Variants in SPAM1 observed in about 807,000 individuals in gnomAD.
SPAM1 encodes the protein hyaluronidase PH-20.
Under a neutral mutation model 29.6 loss-of-function variants are expected in SPAM1, and 22 were observed. That is an observed-to-expected ratio of 0.74 (90% CI 0.53 to 1.06). The LOEUF (loss-of-function observed/expected upper bound fraction) is 1.06, where lower values mean the gene tolerates loss of function less well. Ranked by LOEUF, SPAM1 falls within the 50% of genes least tolerant of loss-of-function variation. The probability of loss-of-function intolerance (pLI) is 0.00; values close to 1 mark genes in which losing one functional copy is unlikely to be tolerated. For synonymous variants in SPAM1, 194 were observed against 204.6 expected (o/e 0.95, Z 0.44); for missense variants, 534 against 604.0 (o/e 0.88, Z 1.21).
chr7:123,931,413 C>G (rs887321618), intron 1 of SPAM1, among the ~76,000 whole-genome samples: 3 of 152,148 alleles, frequency 2.0e-5, no homozygotes, highest in African/African-American at 7.2e-5. Flanking sequence ...GACCCCCATT[C>G]CAGAGAGGTT....
At chr7:123,965,731 AGG>A (rs1358682457) in intron 5 of SPAM1, among the ~76,000 whole-genome samples, 1 of 152,052 alleles carries the variant, frequency 6.6e-6, no homozygotes, top group African/African-American at 2.4e-5. Flanking sequence ...GAAATCAGAT[AGG>A]GTATTGCCTC....
chr7:123,957,650 C>A (rs978561613), intron 4 of SPAM1, among the ~76,000 whole-genome samples: 2 of 151,916 alleles, frequency 1.3e-5, no homozygotes, highest in Non-Finnish European at 2.9e-5. Context: ...CAGAAGAAGT[C>A]CAATATGGGT....
intron 5 of SPAM1, among the ~76,000 whole-genome samples, chr7:123,965,101 G>A (rs778643033): frequency 8.6e-5 from 13 of 151,908 alleles, no homozygotes; most frequent in Non-Finnish European, 1.5e-4. Flanking sequence ...CCTTAGATAA[G>A]TGACTTGCCC....
intron 1 of SPAM1, among the ~76,000 whole-genome samples, chr7:123,929,993 T>C (rs181195288): frequency 2.1e-4 from 32 of 149,058 alleles, no homozygotes; most frequent in Admixed American, 1.8e-3. Context: ...GAAACGTAAG[T>C]CAGGGTCTGG....
At chr7:123,954,906 G>A in intron 3 of SPAM1, 91 bp from the exon 4 acceptor site, 1 of 775,788 alleles carries the variant, frequency 1.3e-6, no homozygotes, top group South Asian at 1.5e-5. Flanking sequence ...TATTATTATT[G>A]GGTCAGCATG....
intron 4 of SPAM1, among the ~76,000 whole-genome samples, chr7:123,957,887 C>G (rs1792281004): frequency 6.6e-6 from 1 of 151,972 alleles, no homozygotes; most frequent in Non-Finnish European, 1.5e-5. Flanking sequence ...GGTTGAATCT[C>G]TCTTACACTT....
At chr7:123,943,854 C>A (rs1237618311) in intron 1 of SPAM1, among the ~76,000 whole-genome samples, 1 of 152,054 alleles carries the variant, frequency 6.6e-6, no homozygotes, top group African/African-American at 2.4e-5. Flanking sequence ...GGAGACCAAA[C>A]AATAAGCCTT....
In SPAM1 at chr7:123,954,372, C is replaced by CTG; in HGVS notation, c.802_803insTG (p.Gln268LeufsTer6). 1 of 1,613,534 alleles carries CTG rather than the reference C, an allele frequency of 6.2e-7. No individual in the cohort carries two copies. The highest frequency in any genetic ancestry group is 8.5e-7 in the Non-Finnish European group (1 of 1,179,672). On this transcript the variant is annotated frameshift_variant, in exon 3 of 5. Transcript: ENST00000682466. LOFTEE classifies it high-confidence loss of function. ...TTACCCATCCATTTATTTGAACACTCAGCAGTCTCCTGTAGCTGCTACACT... is the reference window on the plus strand; with the variant it reads ...TTACCCATCCATTTATTTGAACACTCTGAGCAGTCTCCTGTAGCTGCTACACT...
intron 5 of SPAM1, among the ~76,000 whole-genome samples, chr7:123,965,138 A>G (rs1792406363): frequency 6.6e-6 from 1 of 152,008 alleles, no homozygotes. Context: ...TAAGTCCTAG[A>G]GGCTGAAAGA....
At position 123,959,763 on chromosome 7, in the gene SPAM1, A is replaced by C; in HGVS notation, c.1324A>C (p.Ser442Arg). 1 of 1,613,216 alleles carries C rather than the reference A, an allele frequency of 6.2e-7. No individual in the cohort carries two copies. The highest frequency in any genetic ancestry group is 8.5e-7 in the Non-Finnish European group (1 of 1,179,522). ...TTATTGCAGCTGTTATAGCACCTTG[A>C]GTTGTAAGGAGAAAGCTGATGTAAA... is the stretch of plus-strand genomic sequence containing the variant. Reference protein sequence around the residue: ...KFYCSCYSTLSCKEKADVKDT... With the variant: ...KFYCSCYSTLRCKEKADVKDT... The change falls in exon 5 of 5, where the codon AGT becomes CGT. Residue 442 changes from serine to arginine, a missense_variant. Physicochemically the swap from Ser to Arg is moderately radical, Grantham distance 110. Coordinates refer to ENST00000682466, the MANE Select transcript of SPAM1 (RefSeq NM_153189.3).
At chr7:123,951,935 T>G (rs1792105196) in intron 2 of SPAM1, among the ~76,000 whole-genome samples, 1 of 152,138 alleles carries the variant, frequency 6.6e-6, no homozygotes, top group Non-Finnish European at 1.5e-5. Flanking sequence ...CATCTTTTTC[T>G]TACATAAAAT....
chr7:123,944,066 G>A lies in SPAM1; in HGVS notation c.-318-5806G>A, dbSNP rs139538579. 5.5e-3 allele frequency among the ~76,000 whole-genome samples: 830 copies of A among 152,184 alleles called. 8 individuals carry two copies. The highest frequency in any genetic ancestry group is 9.5e-3 in the Non-Finnish European group (646 of 67,998). ...GTCCATATTCTGGTCTTGCTTCAGC[G>A]TGCCTTCAACATTAATGGTTAATTT... is the stretch of plus-strand genomic sequence containing the variant. On this transcript the variant is annotated intron_variant, in intron 1 of 4. Coordinates refer to ENST00000682466, the MANE Select transcript of SPAM1 (RefSeq NM_153189.3).
chr7:123,963,671 A>G (rs967310654), downstream of SPAM1, among the ~76,000 whole-genome samples: 3 of 151,908 alleles, frequency 2.0e-5, no homozygotes, highest in Admixed American at 6.6e-5. Context: ...TTTATAAGAA[A>G]TATCATTTAA....
At chr7:123,951,944 A>G (rs1054463920) in intron 2 of SPAM1, among the ~76,000 whole-genome samples, 1 of 152,144 alleles carries the variant, frequency 6.6e-6, no homozygotes, top group Non-Finnish European at 1.5e-5. Context: ...CTTACATAAA[A>G]TGAACACGTG....
chr7:123,927,545 C>T (rs1027784297), intron 1 of SPAM1, among the ~76,000 whole-genome samples: 3 of 152,076 alleles, frequency 2.0e-5, no homozygotes, highest in Non-Finnish European at 4.4e-5. Context: ...AAGGCTGATT[C>T]AAAGCATTTT....
At chr7:123,932,920 C>T (rs1490041523) in intron 1 of SPAM1, among the ~76,000 whole-genome samples, 1 of 152,008 alleles carries the variant, frequency 6.6e-6, no homozygotes, top group Non-Finnish European at 1.5e-5. Context: ...ATCTCATTGC[C>T]AGAACTGTAG....
Position 123,928,546 on chromosome 7 carries a change from G to A in SPAM1, c.-319+3194G>A, listed in dbSNP as rs114536421. On this transcript the variant is annotated intron_variant, in intron 1 of 4. Coordinates refer to ENST00000682466, the MANE Select transcript of SPAM1 (RefSeq NM_153189.3). ...AAATATTGGGGTGGCCTAAGATGTA[G>A]GCGACGAAACAGGCTTCCCTGGAAT... Among the ~76,000 whole-genome samples the A allele has an allele frequency of 3.8e-3, 572 of 152,302 alleles. 3 individuals carry two copies. Among genetic ancestry groups the A allele is most frequent in the African/African-American group, 0.013 (546 of 41,570 alleles).
At chr7:123,958,626 A>C (rs936289121) in intron 4 of SPAM1, among the ~76,000 whole-genome samples, 3 of 151,926 alleles carry the variant, frequency 2.0e-5, no homozygotes, top group Admixed American at 1.3e-4. Context: ...CCAAGAGTTC[A>C]AGACCAGCCT....
chr7:123,929,155 C>T (rs1807988914), intron 1 of SPAM1, among the ~76,000 whole-genome samples: 1 of 152,102 alleles, frequency 6.6e-6, no homozygotes. Flanking sequence ...ATGCAGCATG[C>T]CTTTGGAAAG....
Sources: gnomAD v4.1 joint callset for allele counts (sites outside exome capture counted in the v4.1 genomes callset) on GRCh38, gnomAD v4.1.1 for gene constraint, MANE v1.5 for transcripts, NCBI Gene and HGNC (gene_info 2026-07-23, HGNC 2026-07-21) for gene names.